The following SNX6 variants were observed in gnomAD, a reference collection of about 807,000 sequenced individuals.
The protein encoded by SNX6 is sorting nexin 6.
Under a neutral mutation model 63.0 loss-of-function variants are expected in SNX6, and 34 were observed. The observed-to-expected ratio is 0.54, with a 90% confidence interval of 0.41 to 0.72. The LOEUF (loss-of-function observed/expected upper bound fraction) is 0.72. Among genes scored for constraint, SNX6 ranks in the 30% least tolerant of loss-of-function variants. The pLI is 0.00. For missense variants in SNX6, 398 were observed against 471.4 expected (o/e 0.84, Z 1.44); for synonymous variants, 170 against 164.2 (o/e 1.04, Z -0.27).
intron 2 of SNX6, among the ~76,000 whole-genome samples, chr14:34,611,137 C>T (rs1883210980): frequency 6.6e-6 from 1 of 152,122 alleles, no homozygotes; most frequent in African/African-American, 2.4e-5. Context: ...GGATTATAGT[C>T]GTGCGCCCCC....
At chr14:34,606,513 C>T (rs899057946) in intron 4 of SNX6, among the ~76,000 whole-genome samples, 13 of 150,574 alleles carry the variant, frequency 8.6e-5, no homozygotes, top group Non-Finnish European at 1.9e-4. Context: ...ACTGCAATGG[C>T]GTAATCTCAG....
At chr14:34,570,372 G>GC (rs1284521490) in intron 11 of SNX6, among the ~76,000 whole-genome samples, 1 of 134,664 alleles carries the variant, frequency 7.4e-6, no homozygotes. Flanking sequence ...GGTCTTACCA[G>GC]CTTTTTTTTT....
At chr14:34,594,155 G>T (rs748469923) in intron 7 of SNX6, among the ~76,000 whole-genome samples, 1 of 152,168 alleles carries the variant, frequency 6.6e-6, no homozygotes, top group Non-Finnish European at 1.5e-5. Flanking sequence ...CTGGTGGACA[G>T]AAGTGAAAAT....
At chr14:34,580,187 AAAAC>A (rs1349661069) in intron 10 of SNX6, among the ~76,000 whole-genome samples, 6 of 152,220 alleles carry the variant, frequency 3.9e-5, no homozygotes, top group Admixed American at 1.3e-4. Context: ...CTCCGTCTCA[AAAAC>A]AAACAAACAA....
intron 13 of SNX6, among the ~76,000 whole-genome samples, chr14:34,567,267 A>G (rs185817046): frequency 6.6e-6 from 1 of 152,114 alleles, no homozygotes; most frequent in African/African-American, 2.4e-5. Flanking sequence ...CAGGAGGATC[A>G]TTTGAGGACG....
chr14:34,621,566 C>T (rs1051056904), intron 2 of SNX6, among the ~76,000 whole-genome samples: 1 of 152,166 alleles, frequency 6.6e-6, no homozygotes, highest in Non-Finnish European at 1.5e-5. Flanking sequence ...CAATCCTCAG[C>T]CTTACAGATC....
At chr14:34,626,254 T>G (rs1006409838) in intron 2 of SNX6, among the ~76,000 whole-genome samples, 10 of 151,858 alleles carry the variant, frequency 6.6e-5, no homozygotes, top group Non-Finnish European at 1.5e-5. Context: ...CTAATTCAGG[T>G]TTTTTTCCAT....
In SNX6 at chr14:34,589,965, C is replaced by T. The variant is rs1882326015; in HGVS notation, c.718+3080G>A. The stretch of plus-strand genomic sequence containing the variant: ...GTCTCTACCCCCTCAGCAGCAACAA[C>T]AAAAATTAGCCACGCATGGTGGCGC... On this transcript the variant is annotated intron_variant, in intron 8 of 13. Coordinates refer to ENST00000362031, the MANE Select transcript of SNX6 (RefSeq NM_152233.4). Among the ~76,000 whole-genome samples, 3 of 152,164 alleles carry T rather than the reference C, an allele frequency of 2.0e-5. 1 individual carries two copies. Among genetic ancestry groups the T allele is most frequent in the Middle Eastern group, 6.8e-3 (2 of 292 alleles).
At chr14:34,589,182 G>A (rs1044851618) in intron 8 of SNX6, among the ~76,000 whole-genome samples, 3 of 152,080 alleles carry the variant, frequency 2.0e-5, no homozygotes, top group African/African-American at 7.2e-5. Flanking sequence ...AGGGCTGAGG[G>A]CGGTGGCTCA....
chr14:34,627,549 TCACTGCAACCTC>T (rs1257033265), intron 2 of SNX6, among the ~76,000 whole-genome samples: 1 of 151,930 alleles, frequency 6.6e-6, no homozygotes, highest in Non-Finnish European at 1.5e-5. Context: ...CAATCTCAGC[TCACTGCAACCTC>T]CACCTCCCAG....
chr14:34,625,015 C>T (rs61979723), intron 2 of SNX6, among the ~76,000 whole-genome samples: 57,016 of 151,618 alleles, frequency 0.38, 12,530 homozygotes, highest in East Asian at 0.73. Context: ...TCCTGGGTTC[C>T]AGTGATTCTC....
chr14:34,589,459 A>G (rs1241166722), intron 8 of SNX6, among the ~76,000 whole-genome samples: 1 of 152,176 alleles, frequency 6.6e-6, no homozygotes, highest in Non-Finnish European at 1.5e-5. Context: ...TCACAAAAAC[A>G]AAAACACAAA....
chr14:34,588,752 C>T (rs1421671385), intron 8 of SNX6, among the ~76,000 whole-genome samples: 1 of 152,154 alleles, frequency 6.6e-6, no homozygotes, highest in Non-Finnish European at 1.5e-5. Context: ...CCAAATTAAT[C>T]TATAGAATCT....
chr14:34,605,752 T>C (rs769888300), intron 4 of SNX6, 35 bp from the exon 5 acceptor site: 33 of 1,581,856 alleles, frequency 2.1e-5, no homozygotes, highest in Middle Eastern at 1.7e-4. Flanking sequence ...TTTAAGGAAA[T>C]TTTCATTTCT....
At chr14:34,572,692 T>C (rs1566465560) in intron 11 of SNX6, among the ~76,000 whole-genome samples, 1 of 152,044 alleles carries the variant, frequency 6.6e-6, no homozygotes, top group Admixed American at 6.6e-5. Context: ...TTTTTTTTGT[T>C]TTTTTTGAGA....
At chr14:34,628,240 A>T (rs1344298385) in intron 2 of SNX6, among the ~76,000 whole-genome samples, 2 of 151,808 alleles carry the variant, frequency 1.3e-5, no homozygotes. Flanking sequence ...TGGGTAGATC[A>T]CGAGGTCTGG....
chr14:34,629,181 G>T (rs575678952), intron 2 of SNX6, among the ~76,000 whole-genome samples: 66 of 152,078 alleles, frequency 4.3e-4, no homozygotes, highest in Non-Finnish European at 7.1e-4. Context: ...GATATGTCAG[G>T]TTGATTTTGG....
At chr14:34,571,692 C>G (rs982407314) in intron 11 of SNX6, among the ~76,000 whole-genome samples, 1 of 152,138 alleles carries the variant, frequency 6.6e-6, no homozygotes, top group Non-Finnish European at 1.5e-5. Context: ...GGGCACATAT[C>G]ATGCATCCAC....
At chr14:34,567,588 C>T (rs1881243140) in intron 13 of SNX6, 98 bp downstream of exon 13, 1 of 870,716 alleles carries the variant, frequency 1.1e-6, no homozygotes, top group East Asian at 2.7e-5. Flanking sequence ...GTCACAGTAT[C>T]CCTATGAGAA....
Sources: allele counts gnomAD v4.1 joint callset (sites outside exome capture counted in the v4.1 genomes callset), GRCh38; gene constraint gnomAD v4.1.1; transcripts MANE v1.5; gene names NCBI Gene and HGNC (gene_info 2026-07-23, HGNC 2026-07-21).